Variants in AKAP6 observed in about 807,000 individuals in gnomAD.
AKAP6 encodes A-kinase anchor protein 6.
In AKAP6, 58 loss-of-function variants were observed where a neutral mutation model predicts 188.5. The observed-to-expected ratio is 0.31, with a 90% CI of 0.25 to 0.38. The LOEUF is 0.38. Ranked by LOEUF, AKAP6 falls within the 10% of genes least tolerant of loss-of-function variation. AKAP6 has a pLI of 1.00. For synonymous variants in AKAP6, 989 were observed against 998.6 expected (o/e 0.99, Z 0.18); for missense variants, 2,710 against 2,740.0 (o/e 0.99, Z 0.24).
At chr14:32,429,434 T>C (rs1890144368) in intron 1 of AKAP6, among the ~76,000 whole-genome samples, 1 of 152,222 alleles carries the variant, frequency 6.6e-6, no homozygotes, top group African/African-American at 2.4e-5. Flanking sequence ...ATTTGAAGCA[T>C]TTTTAAAAAA....
chr14:32,723,732 A>G (rs563791382), intron 9 of AKAP6, among the ~76,000 whole-genome samples: 69 of 152,284 alleles, frequency 4.5e-4, no homozygotes, highest in Non-Finnish European at 8.4e-4. Flanking sequence ...CACAGTTCAC[A>G]CTATGCCTGC....
At chr14:32,552,140 T>A (rs1883503132) in intron 4 of AKAP6, among the ~76,000 whole-genome samples, 1 of 152,206 alleles carries the variant, frequency 6.6e-6, no homozygotes, top group Admixed American at 6.5e-5. Context: ...CGATAAAGAC[T>A]ACTGAATGAC....
intron 7 of AKAP6, among the ~76,000 whole-genome samples, chr14:32,677,499 T>A (rs1326889627): frequency 1.3e-5 from 2 of 152,192 alleles, no homozygotes; most frequent in Non-Finnish European, 2.9e-5. Flanking sequence ...GAACTCAGCA[T>A]TGCTCCTTTC....
At chr14:32,564,693 G>A (rs1884111150) in intron 4 of AKAP6, among the ~76,000 whole-genome samples, 1 of 152,160 alleles carries the variant, frequency 6.6e-6, no homozygotes, top group Non-Finnish European at 1.5e-5. Context: ...ACAGTCAGAA[G>A]GCATGAAAAA....
intron 7 of AKAP6, among the ~76,000 whole-genome samples, chr14:32,652,050 G>A (rs17099416): frequency 0.016 from 2,416 of 151,852 alleles, 76 homozygotes; most frequent in African/African-American, 0.053. Context: ...AGTGGTGTCC[G>A]GATCTACATC....
intron 2 of AKAP6, among the ~76,000 whole-genome samples, chr14:32,504,431 C>T (rs1437434194): frequency 6.6e-6 from 1 of 152,012 alleles, no homozygotes; most frequent in East Asian, 1.9e-4. Context: ...CAGGTGTGTG[C>T]CACCACACCT....
At chr14:32,719,123 A>G (rs978538459) in intron 9 of AKAP6, among the ~76,000 whole-genome samples, 3 of 152,218 alleles carry the variant, frequency 2.0e-5, no homozygotes, top group African/African-American at 7.2e-5. Context: ...TGTTAAGATT[A>G]TAGATGTGAA....
Position 32,822,409 on chromosome 14 carries a change from A to G in AKAP6, c.4596A>G (p.Ala1532=), listed in dbSNP as rs1192169274. ...VPPHERILAS[A]SHEMDRISYK... is the part of the protein sequence containing the mutation. ...CCCATGAAAGGATTTTGGCAAGTGC[A>G]TCTCATGAAATGGATCGCATTTCAT... Residue 1532 remains alanine, a synonymous_variant, in exon 13 of 14, where the codon GCA becomes GCG. Coordinates refer to ENST00000280979, the MANE Select transcript of AKAP6 (RefSeq NM_004274.5). The G allele has an allele frequency of 1.9e-6, 3 of 1,614,034 alleles. No homozygotes were observed. Among genetic ancestry groups the G allele is most frequent in the African/African-American group, 1.3e-5 (1 of 75,034 alleles).
At chr14:32,469,120 G>A (rs1878625225) in intron 2 of AKAP6, among the ~76,000 whole-genome samples, 1 of 152,104 alleles carries the variant, frequency 6.6e-6, no homozygotes, top group South Asian at 2.1e-4. Context: ...GCAACTCTGG[G>A]GAAGTGTTTT....
intron 9 of AKAP6, among the ~76,000 whole-genome samples, chr14:32,713,821 G>A (rs1435071664): frequency 1.3e-5 from 2 of 152,014 alleles, no homozygotes; most frequent in Non-Finnish European, 1.5e-5. Flanking sequence ...CAGCAATAAG[G>A]CTGTTTTACT....
chr14:32,404,327 C>T (rs534686318), intron 1 of AKAP6, among the ~76,000 whole-genome samples: 6 of 152,016 alleles, frequency 3.9e-5, no homozygotes, highest in Admixed American at 2.6e-4. Context: ...TTCTTAATCC[C>T]CACCTTTTGG....
At chr14:32,697,799 G>A (rs929866852) in intron 9 of AKAP6, among the ~76,000 whole-genome samples, 4 of 152,082 alleles carry the variant, frequency 2.6e-5, no homozygotes, top group Non-Finnish European at 4.4e-5. Context: ...CAAAAATGCA[G>A]TCTTCTTTTT....
intron 8 of AKAP6, among the ~76,000 whole-genome samples, chr14:32,685,451 G>A (rs888766886): frequency 5.9e-5 from 9 of 151,838 alleles, no homozygotes; most frequent in East Asian, 3.9e-4. Context: ...GCCGGGTGCG[G>A]TGGGATTACA....
intron 1 of AKAP6, among the ~76,000 whole-genome samples, chr14:32,393,277 A>G (rs1009107552): frequency 3.3e-5 from 5 of 152,168 alleles, no homozygotes; most frequent in African/African-American, 1.2e-4. Context: ...AGTCTTGCCA[A>G]AAATGTATAA....
At chr14:32,455,666 CA>C (rs1475565965) in intron 2 of AKAP6, among the ~76,000 whole-genome samples, 1 of 152,148 alleles carries the variant, frequency 6.6e-6, no homozygotes, top group Non-Finnish European at 1.5e-5. Flanking sequence ...TCTTTTGAAG[CA>C]AAATTGGTTC....
chr14:32,472,208 T>G (rs1594650285), intron 2 of AKAP6, among the ~76,000 whole-genome samples: 1 of 151,984 alleles, frequency 6.6e-6, no homozygotes, highest in Admixed American at 6.6e-5. Context: ...GTGGCTCCCC[T>G]TTTCCCCCAG....
At chr14:32,559,040 T>C (rs1262883292) in intron 4 of AKAP6, among the ~76,000 whole-genome samples, 1 of 152,166 alleles carries the variant, frequency 6.6e-6, no homozygotes, top group Non-Finnish European at 1.5e-5. Context: ...TTAGAAAGAA[T>C]AGGGCCAAGA....
chr14:32,818,041 G>A (rs924756838), intron 12 of AKAP6, among the ~76,000 whole-genome samples: 8 of 152,066 alleles, frequency 5.3e-5, no homozygotes, highest in African/African-American at 1.7e-4. Flanking sequence ...AGATTTTATT[G>A]AAAATATTGA....
At chr14:32,647,239 T>G (rs1888021723) in intron 7 of AKAP6, among the ~76,000 whole-genome samples, 1 of 152,122 alleles carries the variant, frequency 6.6e-6, no homozygotes, top group South Asian at 2.1e-4. Flanking sequence ...CTCTGAGTCT[T>G]TGTTCTTCTG....
Sources: allele counts gnomAD v4.1 joint callset (sites outside exome capture counted in the v4.1 genomes callset), GRCh38; gene constraint gnomAD v4.1.1; transcripts MANE v1.5; gene names NCBI Gene and HGNC (gene_info 2026-07-23, HGNC 2026-07-21).